PPA1: variants seen among roughly 807,000 people sequenced by gnomAD.
PPA1 encodes inorganic pyrophosphatase 1, also known as inorganic pyrophosphatase.
Under a neutral mutation model 41.8 loss-of-function variants are expected in PPA1, and 23 were observed. The observed-to-expected ratio is 0.55, with a 90% CI of 0.40 to 0.78. The LOEUF is 0.78. PPA1 is among the 30% of genes least tolerant of loss of function. The pLI is 0.00. For synonymous variants in PPA1, 101 were observed against 116.8 expected (o/e 0.86, Z 0.87); for missense variants, 320 against 361.6 (o/e 0.89, Z 0.93).
At chr10:70,212,435 T>C (rs562974124) in intron 6 of PPA1, among the ~76,000 whole-genome samples, 89 of 152,236 alleles carry the variant, frequency 5.8e-4, no homozygotes, top group African/African-American at 2.0e-3. Flanking sequence ...CAAATGTCCA[T>C]CAACTGATGA....
At chr10:70,212,578 C>G (rs762004646) in intron 6 of PPA1, among the ~76,000 whole-genome samples, 9 of 152,056 alleles carry the variant, frequency 5.9e-5, no homozygotes, top group Non-Finnish European at 1.3e-4. Context: ...AAACCAGAAA[C>G]AGCAACAACA....
At chr10:70,210,199 GCCT>G (rs1483448092) in intron 6 of PPA1, 8 of 361,326 alleles carry the variant, frequency 2.2e-5, no homozygotes, top group Middle Eastern at 8.9e-4. Flanking sequence ...TCTCACCTCA[GCCT>G]CCTGAGTAGC....
At chr10:70,209,512 C>A in intron 7 of PPA1, 46 bp downstream of exon 7, 1 of 1,546,462 alleles carries the variant, frequency 6.5e-7, no homozygotes, top group South Asian at 1.2e-5. Context: ...AATTATGAGT[C>A]TCAATACAAA....
At chr10:70,214,277 AT>A (rs1840053574) in intron 5 of PPA1, among the ~76,000 whole-genome samples, 1 of 152,242 alleles carries the variant, frequency 6.6e-6, no homozygotes, top group Admixed American at 6.5e-5. Context: ...TTCTAGATAT[AT>A]GTTCAATCAT....
intron 2 of PPA1, among the ~76,000 whole-genome samples, chr10:70,223,477 C>T (rs1048960855): frequency 6.6e-6 from 1 of 152,158 alleles, no homozygotes; most frequent in Admixed American, 6.5e-5. Context: ...GCCTATGCAT[C>T]CCTAGTAGCT....
At chr10:70,221,076 A>ATTTTTTTTTTTT (rs11310336) in intron 2 of PPA1, among the ~76,000 whole-genome samples, 1 of 40,048 alleles carries the variant, frequency 2.5e-5, no homozygotes, top group Non-Finnish European at 3.6e-5. Flanking sequence ...ATATATATAT[A>ATTTTTTTTTTTT]TTTTTTTTTT....
At chr10:70,219,735 G>A (rs1414277004) in intron 2 of PPA1, among the ~76,000 whole-genome samples, 1 of 152,192 alleles carries the variant, frequency 6.6e-6, no homozygotes, top group African/African-American at 2.4e-5. Context: ...TATTCAGGGA[G>A]TAAATTCCCA....
At chr10:70,222,947 C>T (rs747599226) in intron 2 of PPA1, among the ~76,000 whole-genome samples, 4 of 150,470 alleles carry the variant, frequency 2.7e-5, no homozygotes, top group Non-Finnish European at 4.4e-5. Context: ...GTTTTTTGTC[C>T]TTGCAACAGT....
chr10:70,215,942 G>A (rs1330278606), intron 4 of PPA1, among the ~76,000 whole-genome samples: 2 of 152,204 alleles, frequency 1.3e-5, no homozygotes, highest in African/African-American at 4.8e-5. Context: ...CTGAAAGCCT[G>A]TGCTAGCCAG....
chr10:70,221,184 C>T lies in PPA1; in HGVS notation c.124-2367G>A, dbSNP rs1194560805. On this transcript the variant is annotated intron_variant, in intron 2 of 10. Transcript: ENST00000373232. ...AAATGAAAATCACTTGGTTACACCA[C>T]TCTTTAGAATTACTTCTTTGCTACT... Among the ~76,000 whole-genome samples the T allele has an allele frequency of 2.1e-5, 3 of 142,172 alleles. No individual in the cohort carries two copies. In the East Asian group the frequency reaches 6.1e-4, roughly 29 times the overall value. 93.3% of individuals were successfully genotyped at this position (142,172 alleles called of 152,430 possible). A position where few individuals can be genotyped will look rare whatever the true frequency, so the allele number is the denominator to read the frequency against.
intron 5 of PPA1, among the ~76,000 whole-genome samples, chr10:70,214,089 G>A (rs1306043347): frequency 6.6e-6 from 1 of 152,154 alleles, no homozygotes; most frequent in African/African-American, 2.4e-5. Context: ...CTACTTGATG[G>A]AGGAGTTACT....
Position 70,233,360 on chromosome 10 carries a change from G to A in PPA1, c.-33C>T. On this transcript the variant is annotated 5_prime_UTR_variant, in exon 1 of 11. Transcript: ENST00000373232. ...GAGTCCTGCCGCCGCCGCTGCCACA[G>A]AGCCACCAGCCCGCACGCGGCGCCG... 8 of 1,531,088 alleles carry A rather than the reference G, an allele frequency of 5.2e-6. No homozygotes were observed. Among genetic ancestry groups the A allele is most frequent in the Non-Finnish European group, 7.0e-6 (8 of 1,141,626 alleles). The allele number at this position is 1,531,088 out of a possible 1,614,324, so 94.8% of individuals were successfully genotyped here.
At chr10:70,220,933 AC>A (rs1275967667) in intron 2 of PPA1, among the ~76,000 whole-genome samples, 12 of 21,884 alleles carry the variant, frequency 5.5e-4, no homozygotes, top group South Asian at 1.4e-3. Flanking sequence ...TTTTATATAT[AC>A]TATATATATA....
At chr10:70,219,994 C>G (rs995751595) in intron 2 of PPA1, among the ~76,000 whole-genome samples, 1 of 152,112 alleles carries the variant, frequency 6.6e-6, no homozygotes, top group Non-Finnish European at 1.5e-5. Context: ...GTGGCACAAT[C>G]TTGGCTCACT....
chr10:70,211,366 G>T (rs1310637107), intron 6 of PPA1, among the ~76,000 whole-genome samples: 1 of 152,150 alleles, frequency 6.6e-6, no homozygotes, highest in African/African-American at 2.4e-5. Context: ...GTTAGCATCA[G>T]ATCTCAAAGG....
intron 8 of PPA1, among the ~76,000 whole-genome samples, chr10:70,206,661 C>A (rs60609289): frequency 1.3e-5 from 2 of 150,754 alleles, no homozygotes; most frequent in African/African-American, 4.9e-5. Flanking sequence ...CTGGCCAACA[C>A]GGTGAAACCC....
At chr10:70,213,960 G>A (rs916460977) in intron 5 of PPA1, among the ~76,000 whole-genome samples, 37 of 152,158 alleles carry the variant, frequency 2.4e-4, no homozygotes, top group African/African-American at 8.9e-4. Context: ...GTCATACGAT[G>A]ACTCAAAAAC....
At position 70,230,332 on chromosome 10, in the gene PPA1, A is replaced by C; in HGVS notation, c.123+9T>G. Reference sequence around the variant, plus strand: ...AAAGAGACTGTGTCCAAAAACAAGGATGCCTTACCTTATCTGCATAAATTG... The same window carrying C: ...AAAGAGACTGTGTCCAAAAACAAGGCTGCCTTACCTTATCTGCATAAATTG... On this transcript the variant is annotated intron_variant, in intron 2 of 10. Transcript: ENST00000373232. 1 of 1,612,828 alleles carries C rather than the reference A, an allele frequency of 6.2e-7. No homozygotes were observed. The highest frequency in any genetic ancestry group is 8.5e-7 in the Non-Finnish European group (1 of 1,179,360).
chr10:70,207,840 T>G, intron 8 of PPA1, among the ~76,000 whole-genome samples: 1 of 152,294 alleles, frequency 6.6e-6, no homozygotes, highest in South Asian at 2.1e-4. Flanking sequence ...TTATCCGTAG[T>G]TCAAGTTTTC....
Sources: gnomAD v4.1 joint callset for allele counts (sites outside exome capture counted in the v4.1 genomes callset) on GRCh38, gnomAD v4.1.1 for gene constraint, MANE v1.5 for transcripts, NCBI Gene and HGNC (gene_info 2026-07-23, HGNC 2026-07-21) for gene names.